Variants in LRRK1 observed in about 807,000 individuals in gnomAD.
The protein encoded by LRRK1 is leucine-rich repeat serine/threonine-protein kinase 1.
A neutral mutation model predicts 209.1 loss-of-function variants in LRRK1; 113 were observed. The ratio of observed to expected loss-of-function variants is 0.54; its 90% CI spans 0.46 to 0.63. LRRK1 has a LOEUF of 0.63. Among genes scored for constraint, LRRK1 ranks in the 30% least tolerant of loss-of-function variants. LRRK1 has a pLI of 0.00. For missense variants in LRRK1, 2,284 were observed against 2,632.2 expected (o/e 0.87, Z 2.89); for synonymous variants, 1,144 against 1,099.7 (o/e 1.04, Z -0.80).
In LRRK1 at chr15:101,065,788, G is replaced by C. The variant is rs1397616623; in HGVS notation, c.5351G>C (p.Arg1784Thr). The change falls in exon 32 of 34, where the codon AGG (arginine) becomes ACG (threonine). Residue 1784 changes from arginine to threonine, a missense_variant. By Grantham distance (71) the Arg-to-Thr change is moderately conservative. Around this residue, in one of 6 missense-constraint regions of LRRK1, gnomAD observed 643 missense variants for 695.9 expected, o/e 0.92. Coordinates refer to ENST00000388948, the MANE Select transcript of LRRK1 (RefSeq NM_024652.6). Reference sequence around the variant, plus strand: ...TTCTGCGGGGTCCCCAGCCCCCTCAGGGACATGTTTCCCGTGCGGCCCTTG... The same window carrying C: ...TTCTGCGGGGTCCCCAGCCCCCTCACGGACATGTTTCCCGTGCGGCCCTTG... ...RYFCGVPSPL[R>T]DMFPVRPLDT... 6.2e-7 allele frequency: 1 copy of C among 1,614,104 alleles called. No individual in the cohort carries two copies. The highest frequency in any genetic ancestry group is 2.2e-5 in the East Asian group (1 of 44,872).
chr15:101,040,525 C>T (rs967812450), intron 20 of LRRK1, among the ~76,000 whole-genome samples: 4 of 152,082 alleles, frequency 2.6e-5, no homozygotes, highest in Admixed American at 6.5e-5. Context: ...TCATCTATTA[C>T]TGCTCTTTAT....
chr15:101,061,026 C>T lies in LRRK1; in HGVS notation c.4680-145C>T, dbSNP rs571651083. 18 of 675,668 alleles carry T rather than the reference C, an allele frequency of 2.7e-5. No individual in the cohort carries two copies. In the East Asian group the frequency reaches 3.0e-4, roughly 11 times the overall value. 41.9% of individuals were successfully genotyped at this position (675,668 alleles called of 1,614,324 possible). On this transcript the variant is annotated intron_variant, in intron 29 of 33. Coordinates refer to ENST00000388948, the MANE Select transcript of LRRK1 (RefSeq NM_024652.6). ...CAAGCATTACCCTTCGGGCAGAACCCGGCTCTGCCCTCTCAGAACACAGGA... is the reference window on the plus strand; with the variant it reads ...CAAGCATTACCCTTCGGGCAGAACCTGGCTCTGCCCTCTCAGAACACAGGA...
At chr15:101,057,135 C>G in intron 28 of LRRK1, 85 bp downstream of exon 28, 1 of 1,233,756 alleles carries the variant, frequency 8.1e-7, no homozygotes, top group Non-Finnish European at 1.1e-6. Flanking sequence ...TGCCTGGCTG[C>G]CCAACCATCA....
At chr15:101,020,928 T>G (rs1049614974) in intron 12 of LRRK1, 125 bp from the exon 13 acceptor site, 2 of 997,620 alleles carry the variant, frequency 2.0e-6, no homozygotes, top group Non-Finnish European at 3.1e-6. Context: ...GGTGAGCATT[T>G]TGTTCTGATA....
chr15:101,049,904 G>A (rs928596333), intron 23 of LRRK1, 121 bp downstream of exon 23: 3 of 1,119,138 alleles, frequency 2.7e-6, no homozygotes, highest in Non-Finnish European at 3.7e-6. Flanking sequence ...GAAAACTAGG[G>A]GGTCTTAACA....
intron 2 of LRRK1, among the ~76,000 whole-genome samples, chr15:100,941,618 G>A (rs1482323701): frequency 1.3e-5 from 2 of 152,136 alleles, no homozygotes; most frequent in South Asian, 4.1e-4. Context: ...GCGGGTGCCT[G>A]GGTGGATGCT....
At chr15:100,986,050 A>T (rs1298622704) in intron 4 of LRRK1, among the ~76,000 whole-genome samples, 1 of 149,292 alleles carries the variant, frequency 6.7e-6, no homozygotes, top group Non-Finnish European at 1.5e-5. Flanking sequence ...AAAAAAAAAA[A>T]TTTAAATTAA....
intron 1 of LRRK1, among the ~76,000 whole-genome samples, chr15:100,921,077 T>C (rs1039759833): frequency 6.6e-6 from 1 of 152,206 alleles, no homozygotes; most frequent in Non-Finnish European, 1.5e-5. Context: ...CCCCATTCTG[T>C]ACTCCTTCTT....
chr15:100,974,018 A>T, intron 3 of LRRK1, 51 bp downstream of exon 3: 1 of 1,226,416 alleles, frequency 8.2e-7, no homozygotes, highest in Non-Finnish European at 1.0e-6. Context: ...GGGCTGGACG[A>T]AGGGGACCGC....
At chr15:101,026,344 C>G (rs1478148189) in intron 17 of LRRK1, among the ~76,000 whole-genome samples, 1 of 152,262 alleles carries the variant, frequency 6.6e-6, no homozygotes, top group Non-Finnish European at 1.5e-5. Flanking sequence ...AGGTGCCCCT[C>G]TTTGCTTCCT....
intron 20 of LRRK1, among the ~76,000 whole-genome samples, chr15:101,038,549 G>A (rs977064080): frequency 2.2e-4 from 33 of 152,066 alleles, no homozygotes; most frequent in African/African-American, 8.0e-4. Flanking sequence ...AGTCCAGAGT[G>A]GGAATGTCGA....
rs763059501 is a variant in LRRK1, at chr15:101,028,918, G to T, written c.2687-38G>T. ...ACCCCAGAGTCCCTTTCGCTCCTTT[G>T]TCTAACTGCTGCTTCCTCCTCTCCT... On this transcript the variant is annotated intron_variant, in intron 19 of 33. Transcript: ENST00000388948. The T allele has an allele frequency of 3.7e-6, 6 of 1,605,252 alleles. No individual in the cohort carries two copies. The African/African-American group carries it at 5.4e-5, about 14-fold the overall frequency.
chr15:101,022,268 T>C lies in LRRK1; in HGVS notation c.1853-115T>C. Reference sequence around the variant, plus strand: ...CCTCCCCCTGATCCAGTAGTCTTCCTTAACTGTCCCCACTAAAACACAAAG... The same window carrying C: ...CCTCCCCCTGATCCAGTAGTCTTCCCTAACTGTCCCCACTAAAACACAAAG... On this transcript the variant is annotated intron_variant, in intron 14 of 33. Transcript: ENST00000388948. The surrounding 1 kb of genome is among the most constrained non-coding windows in gnomAD (Gnocchi z 4.0). The C allele has an allele frequency of 9.5e-7, 1 of 1,047,344 alleles. No individual in the cohort carries two copies. The highest frequency in any genetic ancestry group is 1.4e-5 in the South Asian group (1 of 69,406). The allele number at this position is 1,047,344 out of a possible 1,614,324, so 64.9% of individuals were successfully genotyped here.
At chr15:100,945,497 T>TC (rs1388698400) in intron 2 of LRRK1, among the ~76,000 whole-genome samples, 3 of 131,962 alleles carry the variant, frequency 2.3e-5, no homozygotes, top group Non-Finnish European at 3.2e-5. Flanking sequence ...TTTTTTTTTT[T>TC]TTTTTTTTTT....
In LRRK1 at chr15:101,069,041, A is replaced by C; in HGVS notation, c.*193A>C. On this transcript the variant is annotated 3_prime_UTR_variant, in exon 34 of 34. Coordinates refer to ENST00000388948, the MANE Select transcript of LRRK1 (RefSeq NM_024652.6). The stretch of plus-strand genomic sequence containing the variant: ...CCAGGGTTCTCTGGTTCTCTGGAGC[A>C]GAGTTCTCTGAATACCCCATCCCCC... The C allele has an allele frequency of 1.9e-6, 1 of 517,324 alleles. No homozygotes were observed. The highest frequency in any genetic ancestry group is 3.3e-5 in the South Asian group (1 of 30,242). 32.0% of individuals were successfully genotyped at this position (517,324 alleles called of 1,614,324 possible).
intron 17 of LRRK1, among the ~76,000 whole-genome samples, chr15:101,026,751 C>T (rs1293881813): frequency 6.6e-6 from 1 of 152,226 alleles, no homozygotes; most frequent in Non-Finnish European, 1.5e-5. Context: ...AAATACACTG[C>T]ATATTGCATT....
rs749917918 is a variant in LRRK1 at position 101,065,768 on chromosome 15, C to T, written c.5331C>T (p.Cys1777=). The change falls in exon 32 of 34, where the codon TGC becomes TGT. Residue 1777 remains cysteine, a synonymous_variant. Coordinates refer to ENST00000388948, the MANE Select transcript of LRRK1 (RefSeq NM_024652.6). ...TTYQLCARYF[C]GVPSPLRDMF... is the part of the protein sequence containing the mutation. ...ACCAGCTGTGTGCCCGGTACTTCTG[C>T]GGGGTCCCCAGCCCCCTCAGGGACA... 1.4e-5 allele frequency: 22 copies of T among 1,613,986 alleles called. No homozygotes were observed. Among genetic ancestry groups the T allele is most frequent in the South Asian group, 2.2e-5 (2 of 91,090 alleles).
intron 2 of LRRK1, among the ~76,000 whole-genome samples, chr15:100,951,219 C>A (rs1046495129): frequency 2.0e-5 from 3 of 152,128 alleles, no homozygotes; most frequent in Non-Finnish European, 2.9e-5. Flanking sequence ...TATGGAAATG[C>A]GAAGCAAAAC....
intron 6 of LRRK1, among the ~76,000 whole-genome samples, chr15:101,006,036 A>C (rs548087096): frequency 6.6e-6 from 1 of 152,230 alleles, no homozygotes; most frequent in Non-Finnish European, 1.5e-5. Flanking sequence ...TAGTCTCAGA[A>C]TATCACCCCA....
Sources: allele counts gnomAD v4.1 joint callset (sites outside exome capture counted in the v4.1 genomes callset), GRCh38; gene constraint gnomAD v4.1.1; regional missense constraint gnomAD v4.1.1; non-coding constraint Gnocchi (gnomAD v3.1); transcripts MANE v1.5; gene names NCBI Gene and HGNC (gene_info 2026-07-23, HGNC 2026-07-21).